The following ADGB variants were observed in gnomAD, a reference collection of about 807,000 sequenced individuals.
The protein encoded by ADGB is calpain-7-like protein.
In ADGB, 172 loss-of-function variants were observed where a neutral mutation model predicts 210.5. The ratio of observed to expected loss-of-function variants is 0.82; its 90% CI spans 0.72 to 0.93. The LOEUF is 0.93. ADGB is among the 40% of genes least tolerant of loss of function. ADGB has a pLI of 0.00. For missense variants in ADGB, 2,025 were observed against 1,964.8 expected, an observed-to-expected ratio of 1.03 and a Z score of -0.58; for synonymous variants, 658 against 662.7, an observed-to-expected ratio of 0.99 and a Z score of 0.11.
intron 1 of ADGB, among the ~76,000 whole-genome samples, chr6:146,619,545 G>C (rs953543318): frequency 2.0e-5 from 3 of 151,734 alleles, no homozygotes; most frequent in African/African-American, 7.3e-5. Context: ...ATCTATTATA[G>C]GTTTTTGCTT....
chr6:146,628,609 T>G (rs984239199), intron 1 of ADGB, among the ~76,000 whole-genome samples: 1 of 152,042 alleles, frequency 6.6e-6, no homozygotes. Context: ...ACTGAACAGC[T>G]TATAGATCTC....
intron 19 of ADGB, among the ~76,000 whole-genome samples, chr6:146,726,715 C>T (rs1444572399): frequency 2.0e-5 from 3 of 152,216 alleles, no homozygotes; most frequent in Admixed American, 6.5e-5. Flanking sequence ...ATACTTTTCT[C>T]TAACAACTGC....
Position 146,726,179 on chromosome 6 carries a change from A to G in ADGB, c.2334A>G (p.Val778=), listed in dbSNP as rs2114577566. The change falls in exon 19 of 36, where the codon GTA becomes GTG. Residue 778 remains valine (V), a synonymous_variant. Coordinates refer to ENST00000397944, the MANE Select transcript of ADGB (RefSeq NM_024694.4). The part of the protein sequence containing the change: ...VSFVIGDEHV[V]LPNFEPESCR... ...TTGTCATTGGGGATGAACACGTTGT[A>G]CTGCCCAACTTTGAACCAGTAAGTA... 6.5e-7 allele frequency: 1 copy of G among 1,546,966 alleles called. No individual in the cohort carries two copies. Among genetic ancestry groups the G allele is most frequent in the Non-Finnish European group, 8.8e-7 (1 of 1,142,822 alleles).
chr6:146,729,168 C>G (rs547073229), intron 20 of ADGB, among the ~76,000 whole-genome samples: 1 of 152,138 alleles, frequency 6.6e-6, no homozygotes, highest in East Asian at 1.9e-4. Flanking sequence ...TCACAGGCAG[C>G]CTTGAGGGGG....
intron 13 of ADGB, among the ~76,000 whole-genome samples, chr6:146,709,641 C>G (rs76385977): frequency 1.3e-5 from 2 of 152,100 alleles, no homozygotes; most frequent in African/African-American, 4.8e-5. Flanking sequence ...GGGGCCAGCC[C>G]GCCACCAGGG....
At chr6:146,611,385 C>T (rs1331158663) in intron 1 of ADGB, among the ~76,000 whole-genome samples, 1 of 152,042 alleles carries the variant, frequency 6.6e-6, no homozygotes, top group Non-Finnish European at 1.5e-5. Context: ...GGCTGGGCTC[C>T]ACTGCAGCCA....
chr6:146,792,331 T>C (rs1427480340), intron 33 of ADGB, among the ~76,000 whole-genome samples: 1 of 152,174 alleles, frequency 6.6e-6, no homozygotes, highest in Non-Finnish European at 1.5e-5. Context: ...CATTTTAACA[T>C]TAATTCTTCC....
intron 12 of ADGB, among the ~76,000 whole-genome samples, chr6:146,700,462 C>T (rs1776474682): frequency 6.6e-6 from 1 of 152,152 alleles, no homozygotes; most frequent in African/African-American, 2.4e-5. Context: ...CTATAAAATT[C>T]TAGCGATGGC....
chr6:146,770,519 C>T, intron 29 of ADGB: 4 of 456,538 alleles, frequency 8.8e-6, no homozygotes, highest in South Asian at 1.6e-5. Flanking sequence ...TGTTCTTCCT[C>T]GGTCTCATCA....
chr6:146,786,507 G>A (rs1470068361), intron 32 of ADGB, among the ~76,000 whole-genome samples: 1 of 152,104 alleles, frequency 6.6e-6, no homozygotes, highest in Non-Finnish European at 1.5e-5. Context: ...AGTGTGAATA[G>A]CAAGTACCAT....
intron 10 of ADGB, among the ~76,000 whole-genome samples, chr6:146,690,889 A>G (rs1167492654): frequency 3.3e-5 from 5 of 152,158 alleles, no homozygotes; most frequent in African/African-American, 1.2e-4. Context: ...AGTGTATTCT[A>G]GTTCCAATCT....
chr6:146,664,205 G>T lies in ADGB; in HGVS notation c.617G>T (p.Cys206Phe). 1 of 1,544,264 alleles carries T rather than the reference G, an allele frequency of 6.5e-7. No homozygotes were observed. The highest frequency in any genetic ancestry group is 8.7e-7 in the Non-Finnish European group (1 of 1,143,632). The change falls in exon 6 of 36, where the codon TGC becomes TTC. Residue 206 changes from cysteine to phenylalanine, a missense_variant. Coordinates refer to ENST00000397944, the MANE Select transcript of ADGB (RefSeq NM_024694.4). Reference sequence around the variant, plus strand: ...TTTCTTTCATCTTATTTTTAGGGTTGCTGGAGAAAGATAACAATTGATGAC... The same window carrying T: ...TTTCTTTCATCTTATTTTTAGGGTTTCTGGAGAAAGATAACAATTGATGAC... Reference protein sequence around the residue: ...KYVVKLYWMGCWRKITIDDFL... With the variant: ...KYVVKLYWMGFWRKITIDDFL...
Position 146,785,721 on chromosome 6 carries a change from A to G in ADGB, c.4315+9A>G. On this transcript the variant is annotated intron_variant, in intron 32 of 35. Transcript: ENST00000397944. ...TAAACCAAAAGAAGAAGGTGAGTGG[A>G]TCCTACCACCCCAGCTGCCTCAGAG... 6.5e-7 allele frequency: 1 copy of G among 1,537,496 alleles called. No individual in the cohort carries two copies. The highest frequency in any genetic ancestry group is 8.8e-7 in the Non-Finnish European group (1 of 1,134,768).
At chr6:146,676,148 G>A (rs577918362) in intron 8 of ADGB, among the ~76,000 whole-genome samples, 165 bp from the exon 9 acceptor site, 53 of 151,996 alleles carry the variant, frequency 3.5e-4, no homozygotes, top group African/African-American at 1.2e-3. Flanking sequence ...GCTTTATCAT[G>A]GTGTTTCTAA....
rs536849186 is a variant in ADGB at position 146,726,065 on chromosome 6, G to A, written c.2238-18G>A. ...CCCAGGAAGCACTCGGTTATCATCC[G>A]GCATCCCTTCTCTTTAGGAGACACA... is the stretch of plus-strand genomic sequence containing the variant. On this transcript the variant is annotated intron_variant, in intron 18 of 35. Coordinates refer to ENST00000397944, the MANE Select transcript of ADGB (RefSeq NM_024694.4). 7.5e-5 allele frequency: 110 copies of A among 1,469,188 alleles called. 1 individual carries two copies. The South Asian group carries it at 1.0e-3, about 14-fold the overall frequency. The allele number at this position is 1,469,188 out of a possible 1,614,324, so 91.0% of individuals were successfully genotyped here. A position where few individuals can be genotyped will look rare whatever the true frequency, so the allele number is the denominator to read the frequency against.
intron 12 of ADGB, among the ~76,000 whole-genome samples, chr6:146,697,229 A>G (rs1009070023): frequency 6.6e-6 from 1 of 152,184 alleles, no homozygotes; most frequent in Non-Finnish European, 1.5e-5. Context: ...AGAAGTGACC[A>G]TGAACTTCAC....
At chr6:146,797,889 T>C (rs931831176) in intron 33 of ADGB, among the ~76,000 whole-genome samples, 1 of 151,706 alleles carries the variant, frequency 6.6e-6, no homozygotes, top group African/African-American at 2.4e-5. Flanking sequence ...ACAAGCATTA[T>C]ATCCTGTTCC....
At chr6:146,678,475 C>T (rs1000139486) in intron 9 of ADGB, among the ~76,000 whole-genome samples, 3 of 152,156 alleles carry the variant, frequency 2.0e-5, no homozygotes, top group Admixed American at 6.5e-5. Flanking sequence ...GATCCACCCA[C>T]CTTGGCCTCC....
chr6:146,648,076 TA>T (rs779202543), intron 3 of ADGB, among the ~76,000 whole-genome samples: 1 of 152,110 alleles, frequency 6.6e-6, no homozygotes, highest in Non-Finnish European at 1.5e-5. Flanking sequence ...GTGGTCTTTT[TA>T]AAATAATAAG....
Sources: gnomAD v4.1 joint callset for allele counts (sites outside exome capture counted in the v4.1 genomes callset) on GRCh38, gnomAD v4.1.1 for gene constraint, MANE v1.5 for transcripts, NCBI Gene and HGNC (gene_info 2026-07-23, HGNC 2026-07-21) for gene names.